The following NMNAT2 variants were observed in gnomAD, a reference collection of about 807,000 sequenced individuals.
NMNAT2 encodes nicotinamide/nicotinic acid mononucleotide adenylyltransferase 2.
NMNAT2 carries 11 observed loss-of-function variants against 41.6 expected under a neutral mutation model. The ratio of observed to expected loss-of-function variants is 0.26; its 90% CI spans 0.17 to 0.44. NMNAT2 has a LOEUF of 0.44. NMNAT2 is among the 20% of genes least tolerant of loss of function. The probability of loss-of-function intolerance (pLI) is 1.00; values close to 1 mark genes in which losing one functional copy is unlikely to be tolerated. For missense variants in NMNAT2, 288 were observed against 407.7 expected, an observed-to-expected ratio of 0.71 and a Z score of 2.53; for synonymous variants, 148 against 151.2, an observed-to-expected ratio of 0.98 and a Z score of 0.16.
chr1:183,254,698 G>T (rs778958074), intron 10 of NMNAT2, among the ~76,000 whole-genome samples: 1 of 152,158 alleles, frequency 6.6e-6, no homozygotes, highest in Non-Finnish European at 1.5e-5. Context: ...CAGCCTCCCA[G>T]CGTGCTGGGA....
chr1:183,265,473 G>A (rs1356842784), intron 8 of NMNAT2, among the ~76,000 whole-genome samples: 2 of 151,784 alleles, frequency 1.3e-5, no homozygotes, highest in Non-Finnish European at 2.9e-5. Context: ...CACCATGTTG[G>A]TTAGGCTGGT....
In NMNAT2 at chr1:183,248,891, AGTGT is replaced by A. The variant is rs71555406; in HGVS notation, c.*3746_*3749del. ...CTTCTCTCTCTTAGTCCCCTAAAAG[AGTGT>A]GTGTGTGTGTGTGTGTGTGTGTGTG... On this transcript the variant is annotated 3_prime_UTR_variant, in exon 11 of 11. Transcript: ENST00000287713. 9,162 of 142,570 alleles carry A rather than the reference AGTGT, an allele frequency of 0.064. 301 individuals carry two copies. The highest frequency in any genetic ancestry group is 0.14 in the East Asian group (664 of 4,884). The allele number at this position is 142,570 out of a possible 1,614,324, so 8.8% of individuals were successfully genotyped here.
At chr1:183,403,243 C>CAG (rs1227478080) in intron 1 of NMNAT2, among the ~76,000 whole-genome samples, 1 of 152,146 alleles carries the variant, frequency 6.6e-6, no homozygotes, top group East Asian at 1.9e-4. Context: ...CAAACAACAT[C>CAG]ATATCTTATT....
intron 1 of NMNAT2, among the ~76,000 whole-genome samples, chr1:183,389,824 GAAA>G (rs1557897744): frequency 1.9e-3 from 102 of 54,264 alleles, no homozygotes; most frequent in African/African-American, 4.2e-3. Context: ...AAGAAAGAAA[GAAA>G]GAAAGAAAGA....
At chr1:183,253,667 T>A (rs1421174637) in intron 10 of NMNAT2, among the ~76,000 whole-genome samples, 1 of 152,178 alleles carries the variant, frequency 6.6e-6, no homozygotes, top group South Asian at 2.1e-4. Context: ...TTCCTACATA[T>A]TTGCTGCTTT....
Position 183,418,365 on chromosome 1 carries a change from G to A in NMNAT2, c.-98C>T, listed in dbSNP as rs1198056088. 2 of 1,189,416 alleles carry A rather than the reference G, an allele frequency of 1.7e-6. No individual in the cohort carries two copies. The highest frequency in any genetic ancestry group is 2.5e-6 in the Non-Finnish European group (2 of 802,868). The allele number at this position is 1,189,416 out of a possible 1,614,324, so 73.7% of individuals were successfully genotyped here. On this transcript the variant is annotated 5_prime_UTR_variant, in exon 1 of 11. Transcript: ENST00000287713. ...GAAAGGAAGGCGAGGCTCCGGCGGT[G>A]GATGCTGTGGACTCCAAGGAGCCGC...
intron 1 of NMNAT2, among the ~76,000 whole-genome samples, chr1:183,348,541 G>T (rs899131289): frequency 9.2e-5 from 14 of 152,172 alleles, no homozygotes; most frequent in Admixed American, 3.3e-4. Context: ...GAGATTGGGG[G>T]TGTGGGGGAA....
At chr1:183,345,616 G>A (rs551752674) in intron 1 of NMNAT2, among the ~76,000 whole-genome samples, 1 of 152,226 alleles carries the variant, frequency 6.6e-6, no homozygotes, top group African/African-American at 2.4e-5. Context: ...CCAGCAGGAA[G>A]GCCCTTGTCA....
chr1:183,334,730 G>C (rs527886280), intron 1 of NMNAT2, among the ~76,000 whole-genome samples: 1 of 151,450 alleles, frequency 6.6e-6, no homozygotes, highest in South Asian at 2.1e-4. Context: ...GGCTGGTCTC[G>C]AACTCCTGAC....
chr1:183,386,159 C>A (rs567958462), intron 1 of NMNAT2, among the ~76,000 whole-genome samples: 2 of 152,168 alleles, frequency 1.3e-5, no homozygotes, highest in East Asian at 3.9e-4. Flanking sequence ...ACCGGAAGGA[C>A]TATCTTGTAA....
At chr1:183,282,577 C>T (rs574549264) in intron 7 of NMNAT2, among the ~76,000 whole-genome samples, 1 of 152,332 alleles carries the variant, frequency 6.6e-6, no homozygotes, top group African/African-American at 2.4e-5. Context: ...AATGAGAAGT[C>T]CTAAGGCTGA....
intron 1 of NMNAT2, among the ~76,000 whole-genome samples, chr1:183,303,826 C>T (rs936974918): frequency 6.6e-6 from 1 of 152,222 alleles, no homozygotes; most frequent in African/African-American, 2.4e-5. Context: ...CATGCCATCC[C>T]TTGGAACTGT....
At chr1:183,323,951 G>A (rs575625854) in intron 1 of NMNAT2, among the ~76,000 whole-genome samples, 1 of 152,324 alleles carries the variant, frequency 6.6e-6, no homozygotes, top group East Asian at 1.9e-4. Flanking sequence ...AGGGAGTGAG[G>A]TTTAAGAATG....
chr1:183,279,054 T>C (rs1240233085), intron 7 of NMNAT2, among the ~76,000 whole-genome samples: 5 of 152,198 alleles, frequency 3.3e-5, no homozygotes, highest in South Asian at 2.1e-4. Context: ...TCTCTGCTAC[T>C]GTGCATTGTC....
At chr1:183,284,095 C>A in intron 6 of NMNAT2, 56 bp from the exon 7 acceptor site, 2 of 1,505,742 alleles carry the variant, frequency 1.3e-6, no homozygotes, top group Non-Finnish European at 9.1e-7. Context: ...TGGTACCCAA[C>A]ACACAGTCTG....
At chr1:183,315,190 C>T (rs2102326623) in intron 1 of NMNAT2, among the ~76,000 whole-genome samples, 1 of 152,324 alleles carries the variant, frequency 6.6e-6, no homozygotes, top group Admixed American at 6.5e-5. Flanking sequence ...GGCCATCCGT[C>T]ATGCTGTGAT....
At position 183,251,270 on chromosome 1, in the gene NMNAT2, C is replaced by A. The variant is rs1197887142; in HGVS notation, c.*1371G>T. The A allele has an allele frequency of 6.6e-6, 1 of 152,270 alleles. No homozygotes were observed. The highest frequency in any genetic ancestry group is 1.5e-5 in the Non-Finnish European group (1 of 68,088). 9.4% of individuals were successfully genotyped at this position (152,270 alleles called of 1,614,324 possible). A position where few individuals can be genotyped will look rare whatever the true frequency, so the allele number is the denominator to read the frequency against. On this transcript the variant is annotated 3_prime_UTR_variant, in exon 11 of 11. Transcript: ENST00000287713. The stretch of plus-strand genomic sequence containing the variant: ...CAGGCTCTGCAGGGGCTAGAACCAA[C>A]CACAGAAACAAGACCAAGGCACTGC...
At chr1:183,359,323 A>G (rs963251747) in intron 1 of NMNAT2, among the ~76,000 whole-genome samples, 1 of 152,138 alleles carries the variant, frequency 6.6e-6, no homozygotes, top group Non-Finnish European at 1.5e-5. Flanking sequence ...GAACATTTCC[A>G]TAAAGAGATG....
intron 7 of NMNAT2, 189 bp from the exon 8 acceptor site, chr1:183,278,818 C>A: frequency 3.5e-6 from 2 of 571,772 alleles, no homozygotes; most frequent in Non-Finnish European, 6.4e-6. Context: ...TCCTCGGGCT[C>A]ATTTCCAGAC....
Sources: allele counts gnomAD v4.1 joint callset (sites outside exome capture counted in the v4.1 genomes callset), GRCh38; gene constraint gnomAD v4.1.1; transcripts MANE v1.5; gene names NCBI Gene and HGNC (gene_info 2026-07-23, HGNC 2026-07-21).